Variants in SAMD12 observed in about 807,000 individuals in gnomAD.
SAMD12 encodes the protein sterile alpha motif domain-containing protein 12.
In SAMD12, 9 loss-of-function variants were observed where a neutral mutation model predicts 15.0. The ratio of observed to expected loss-of-function variants is 0.60; its 90% CI spans 0.36 to 1.05. SAMD12 has a LOEUF of 1.05. Ranked by LOEUF, SAMD12 falls within the 50% of genes least tolerant of loss-of-function variation. The pLI, the probability that SAMD12 is intolerant of heterozygous loss-of-function variation, is 0.01. For synonymous variants in SAMD12, 86 were observed against 90.1 expected (o/e 0.96, Z 0.25); for missense variants, 230 against 234.2 (o/e 0.98, Z 0.12).
Position 118,320,820 on chromosome 8 carries a change from A to AAAATAT in SAMD12, c.433+58739_433+58740insATATTT, listed in dbSNP as rs1554631088. On this transcript the variant is annotated intron_variant, in intron 4 of 4. Transcript: ENST00000409003. Reference sequence around the variant, plus strand: ...ACCCTAGAACTTAAAGTATAATAAAAATATATATATATATATAAAAATCTA... The same window carrying AAAATAT: ...ACCCTAGAACTTAAAGTATAATAAAAAAATATATATATATATATATATAAAAATCTA... Among the ~76,000 whole-genome samples, 103 of 123,048 alleles carry AAAATAT rather than the reference A, an allele frequency of 8.4e-4. 1 individual carries two copies. Among genetic ancestry groups the AAAATAT allele is most frequent in the Admixed American group, 4.6e-4 (6 of 12,976 alleles). The allele number at this position is 123,048 out of a possible 152,430, so 80.7% of individuals were successfully genotyped here. A position where few individuals can be genotyped will look rare whatever the true frequency, so the allele number is the denominator to read the frequency against.
intron 4 of SAMD12, among the ~76,000 whole-genome samples, chr8:118,266,113 G>A (rs1029323751): frequency 1.3e-5 from 2 of 152,084 alleles, no homozygotes; most frequent in African/African-American, 4.8e-5. Context: ...AGAGTGGTGA[G>A]TGAAAGTAGA....
At chr8:118,183,902 C>G in the SAMD12 span, among the ~76,000 whole-genome samples, 36 of 152,192 alleles carry the variant, frequency 2.4e-4, no homozygotes, top group African/African-American at 7.9e-4. Context: ...TAGCTTAGCT[C>G]TCACTTGTGA....
chr8:118,360,114 A>T (rs369801201), intron 4 of SAMD12, among the ~76,000 whole-genome samples: 51 of 152,310 alleles, frequency 3.3e-4, no homozygotes, highest in African/African-American at 1.2e-3. Flanking sequence ...CAATACACAA[A>T]GAAGTCCACT....
chr8:118,322,757 TC>T (rs1816348899), intron 4 of SAMD12, among the ~76,000 whole-genome samples: 1 of 152,160 alleles, frequency 6.6e-6, no homozygotes, highest in South Asian at 2.1e-4. Flanking sequence ...GATCTAGCAT[TC>T]AGGAGCCCCA....
In SAMD12 at chr8:118,197,440, A is replaced by G; in HGVS notation, c.*270T>C. 3 of 556,440 alleles carry G rather than the reference A, an allele frequency of 5.4e-6. No homozygotes were observed. In the South Asian group the frequency reaches 7.1e-5, roughly 13 times the overall value. The allele number at this position is 556,440 out of a possible 1,614,324, so 34.5% of individuals were successfully genotyped here. A position where few individuals can be genotyped will look rare whatever the true frequency, so the allele number is the denominator to read the frequency against. ...AACTTGAGTTATGCACAGTGATGAA[A>G]ACTGGAAGCAATTTTCCAGCTAATG... is the stretch of plus-strand genomic sequence containing the variant. On this transcript the variant is annotated 3_prime_UTR_variant, in exon 5 of 5. Transcript: ENST00000409003.
chr8:118,185,150 C>T (rs1220978966), downstream of SAMD12, among the ~76,000 whole-genome samples: 1 of 151,994 alleles, frequency 6.6e-6, no homozygotes, highest in Non-Finnish European at 1.5e-5. Context: ...TGAAAACATA[C>T]CCTTTAGAAT....
intron 4 of SAMD12, among the ~76,000 whole-genome samples, chr8:118,353,512 G>A (rs1165483005): frequency 6.6e-6 from 1 of 151,978 alleles, no homozygotes; most frequent in Admixed American, 6.6e-5. Context: ...CTACAAATGA[G>A]GAAGAAGGGC....
intron 2 of SAMD12, among the ~76,000 whole-genome samples, chr8:118,545,600 A>T (rs1826103455): frequency 6.6e-6 from 1 of 152,212 alleles, no homozygotes. Flanking sequence ...CTTCGCCCAA[A>T]GTGGAGGAAA....
At chr8:118,469,876 T>G (rs867710579) in intron 2 of SAMD12, among the ~76,000 whole-genome samples, 12 of 152,004 alleles carry the variant, frequency 7.9e-5, no homozygotes, top group African/African-American at 2.7e-4. Flanking sequence ...ACTATAATTT[T>G]TATGTAGTTA....
chr8:118,568,251 G>GA (rs1180971587), intron 2 of SAMD12, among the ~76,000 whole-genome samples: 19 of 152,140 alleles, frequency 1.2e-4, no homozygotes, highest in Non-Finnish European at 2.6e-4. Flanking sequence ...GCATCCCAAG[G>GA]AAAGAAGATT....
chr8:118,292,523 C>T (rs374494543), intron 4 of SAMD12, among the ~76,000 whole-genome samples: 35 of 152,164 alleles, frequency 2.3e-4, no homozygotes, highest in East Asian at 1.6e-3. Flanking sequence ...ACTAGAAATA[C>T]CATTTGACCC....
At chr8:118,536,386 A>C (rs904049351) in intron 2 of SAMD12, among the ~76,000 whole-genome samples, 2 of 151,746 alleles carry the variant, frequency 1.3e-5, no homozygotes, top group African/African-American at 4.8e-5. Flanking sequence ...GCATTATATT[A>C]CAATGTTCCT....
intron 3 of SAMD12, among the ~76,000 whole-genome samples, chr8:118,404,733 G>A (rs1426025949): frequency 2.0e-5 from 3 of 152,210 alleles, no homozygotes; most frequent in Non-Finnish European, 4.4e-5. Flanking sequence ...CACCATAAAT[G>A]AGGCTGAGAA....
intron 3 of SAMD12, among the ~76,000 whole-genome samples, chr8:118,425,040 G>A (rs750804387): frequency 2.0e-4 from 30 of 151,480 alleles, no homozygotes; most frequent in East Asian, 3.9e-4. Flanking sequence ...CTGGGTTCAC[G>A]CTATTCTCCT....
the SAMD12 span, among the ~76,000 whole-genome samples, chr8:118,151,358 A>C: frequency 6.6e-6 from 1 of 152,086 alleles, no homozygotes; most frequent in Non-Finnish European, 1.5e-5. Flanking sequence ...TTACCTTTTC[A>C]AATGTTTTTC....
At chr8:118,529,032 G>T (rs1217036132) in intron 2 of SAMD12, among the ~76,000 whole-genome samples, 1 of 152,138 alleles carries the variant, frequency 6.6e-6, no homozygotes, top group Non-Finnish European at 1.5e-5. Context: ...GCCACTTCCT[G>T]GTCCTCTGGC....
chr8:118,299,017 C>T (rs1814876488), intron 4 of SAMD12, among the ~76,000 whole-genome samples: 1 of 151,998 alleles, frequency 6.6e-6, no homozygotes, highest in Non-Finnish European at 1.5e-5. Context: ...TAGTGTGGAG[C>T]AGTAAAGGGG....
intron 1 of SAMD12, among the ~76,000 whole-genome samples, chr8:118,590,953 T>C (rs1827572897): frequency 6.6e-6 from 1 of 151,994 alleles, no homozygotes; most frequent in South Asian, 2.1e-4. Context: ...ACATGAAGAA[T>C]AACCAAATGG....
chr8:118,183,315 G>A, the SAMD12 span, among the ~76,000 whole-genome samples: 1 of 152,204 alleles, frequency 6.6e-6, no homozygotes, highest in South Asian at 2.1e-4. Context: ...ATTCTTTAAA[G>A]TAGGAGTTCT....
Sources: gnomAD v4.1 joint callset for allele counts (sites outside exome capture counted in the v4.1 genomes callset) on GRCh38, gnomAD v4.1.1 for gene constraint, MANE v1.5 for transcripts, NCBI Gene and HGNC (gene_info 2026-07-23, HGNC 2026-07-21) for gene names.